FDFT1: variants seen among roughly 807,000 people sequenced by gnomAD.
FDFT1 encodes squalene synthase.
Under a neutral mutation model 46.8 loss-of-function variants are expected in FDFT1, and 68 were observed. That is an observed-to-expected ratio of 1.45 (90% CI 1.19 to 1.78). The LOEUF (loss-of-function observed/expected upper bound fraction) is 1.78, where lower values mean the gene tolerates loss of function less well. Among genes scored for constraint, FDFT1 ranks in the 40% most tolerant of loss-of-function variants. The pLI is 0.00. For missense variants in FDFT1, 928 were observed against 524.4 expected (o/e 1.77, Z -7.52); for synonymous variants, 351 against 185.1 (o/e 1.90, Z -7.28).
intron 1 of FDFT1, chr8:11,803,250 T>G: frequency 1.5e-6 from 2 of 1,369,742 alleles, no homozygotes; most frequent in East Asian, 3.9e-5. Flanking sequence ...GGGTTACACA[T>G]CTGAGGCAAT....
In FDFT1 at chr8:11,808,871, G is replaced by T; in HGVS notation, c.177G>T (p.Gln59His). The T allele has an allele frequency of 6.2e-7, 1 of 1,614,006 alleles. No individual in the cohort carries two copies. The highest frequency in any genetic ancestry group is 8.5e-7 in the Non-Finnish European group (1 of 1,179,978). Residue 59 changes from glutamine to histidine, a missense_variant, in exon 2 of 8, where the codon CAG (glutamine) becomes CAT (histidine). Coordinates refer to ENST00000220584, the MANE Select transcript of FDFT1 (RefSeq NM_004462.5). ...GTCGCAGTTTCGCAGCTGTTATCCA[G>T]GCGCTGGATGGGGAAATGCGGTGAG... Reference protein sequence around the residue: ...QTSRSFAAVIQALDGEMRNAV... With the variant: ...QTSRSFAAVIHALDGEMRNAV...
intron 5 of FDFT1, among the ~76,000 whole-genome samples, chr8:11,829,630 A>G (rs539304754): frequency 6.6e-6 from 1 of 152,238 alleles, no homozygotes; most frequent in African/African-American, 2.4e-5. Context: ...CTCTAACAGG[A>G]GCCTCTTTAG....
chr8:11,825,278 G>C (rs867081829), intron 4 of FDFT1, among the ~76,000 whole-genome samples: 3 of 152,072 alleles, frequency 2.0e-5, no homozygotes, highest in South Asian at 4.1e-4. Context: ...ACGGTGTCTT[G>C]GGCTGGTAAT....
chr8:11,826,280 C>T (rs912170889), intron 5 of FDFT1, 65 bp downstream of exon 5: 1 of 1,294,284 alleles, frequency 7.7e-7, no homozygotes, highest in Non-Finnish European at 1.1e-6. Flanking sequence ...TCCTTTAACT[C>T]TTGTGGTTGC....
chr8:11,827,143 T>C (rs1810107309), intron 5 of FDFT1, among the ~76,000 whole-genome samples: 1 of 152,176 alleles, frequency 6.6e-6, no homozygotes, highest in African/African-American at 2.4e-5. Flanking sequence ...TTGCTTTCCA[T>C]AAAAGTGTTT....
exon 1 of FDFT1, chr8:11,795,863 C>T (rs541487363): frequency 3.3e-5 from 5 of 152,852 alleles, no homozygotes; most frequent in African/African-American, 4.8e-5. Context: ...AAACTCCGAA[C>T]ACATCTGAAC....
At position 11,838,441 on chromosome 8, in the gene FDFT1, C is replaced by G. The variant is rs766342498; in HGVS notation, c.1086C>G (p.Ile362Met). The part of the protein sequence containing the change: ...SDPSSSKTRQ[I>M]ISTIRTQNLP... ...CATCTTCTAGCAAAACAAGGCAGAT[C>G]ATCTCCACCATCCGGACGCAGAATC... The change falls in exon 8 of 8, where the codon ATC (isoleucine) becomes ATG (methionine). Residue 362 changes from isoleucine to methionine, a missense_variant. Ile to Met is a conservative substitution (Grantham distance 10). Coordinates refer to ENST00000220584, the MANE Select transcript of FDFT1 (RefSeq NM_004462.5). The G allele has an allele frequency of 1.9e-6, 3 of 1,610,748 alleles. No homozygotes were observed. Among genetic ancestry groups the G allele is most frequent in the East Asian group, 2.2e-5 (1 of 44,822 alleles).
chr8:11,815,917 G>A (rs563594206), intron 3 of FDFT1, among the ~76,000 whole-genome samples: 76 of 152,248 alleles, frequency 5.0e-4, no homozygotes, highest in Non-Finnish European at 9.3e-4. Flanking sequence ...ATTGCTTTTG[G>A]TGTTTTAGTC....
upstream of FDFT1, chr8:11,801,895 T>C (rs531902554): frequency 1.3e-5 from 6 of 449,206 alleles, no homozygotes; most frequent in Non-Finnish European, 2.7e-5. Flanking sequence ...TTCACCATGT[T>C]GGCCAGGATG....
upstream of FDFT1, among the ~76,000 whole-genome samples, chr8:11,799,843 G>C (rs1246396034): frequency 6.6e-6 from 1 of 151,840 alleles, no homozygotes; most frequent in Non-Finnish European, 1.5e-5. Flanking sequence ...CTACTCGGGA[G>C]GCTAAGGCAG....
chr8:11,808,982 G>C (rs1807318099), intron 2 of FDFT1, 91 bp downstream of exon 2: 1 of 1,529,304 alleles, frequency 6.5e-7, no homozygotes, highest in Middle Eastern at 1.8e-4. Context: ...ATAGCGCTCA[G>C]CGTTGCAGCC....
chr8:11,838,664 T>G lies in FDFT1; in HGVS notation c.*55T>G. On this transcript the variant is annotated 3_prime_UTR_variant, in exon 8 of 8. Transcript: ENST00000220584. ...CATAAAGTGGATTTACTTTTTTTCT[T>G]TAAGGATGGATGTTGTGTTCTCTTT... The G allele has an allele frequency of 7.6e-7, 1 of 1,322,646 alleles. No homozygotes were observed. The highest frequency in any genetic ancestry group is 1.1e-6 in the Non-Finnish European group (1 of 915,322). The allele number at this position is 1,322,646 out of a possible 1,614,324, so 81.9% of individuals were successfully genotyped here.
intron 3 of FDFT1, 67 bp from the exon 4 acceptor site, chr8:11,821,683 T>C: frequency 4.5e-6 from 7 of 1,564,270 alleles, no homozygotes; most frequent in Non-Finnish European, 5.3e-6. Flanking sequence ...ATTGTTTGCC[T>C]TGTGATCTTT....
chr8:11,812,773 A>G (rs1050068687), intron 3 of FDFT1, among the ~76,000 whole-genome samples: 1 of 152,210 alleles, frequency 6.6e-6, no homozygotes. Flanking sequence ...TTCCGCCTCG[A>G]TGTACAGTAG....
chr8:11,822,788 C>T (rs753568193), intron 4 of FDFT1, among the ~76,000 whole-genome samples: 26 of 152,174 alleles, frequency 1.7e-4, no homozygotes, highest in Non-Finnish European at 3.1e-4. Context: ...TGCACTCCAA[C>T]GTGGGTGACA....
intron 5 of FDFT1, 27 bp from the exon 6 acceptor site, chr8:11,830,217 T>C: frequency 6.3e-7 from 1 of 1,585,648 alleles, no homozygotes; most frequent in Non-Finnish European, 8.7e-7. Flanking sequence ...CACGCTGACC[T>C]GTTCCTTAAT....
upstream of FDFT1, chr8:11,801,824 G>C (rs1182169881): frequency 5.2e-6 from 2 of 383,676 alleles, no homozygotes; most frequent in Non-Finnish European, 1.0e-5. Context: ...CTCCGGAGTA[G>C]TTGGGACTAC....
At chr8:11,838,078 C>G (rs1811786116) in intron 7 of FDFT1, among the ~76,000 whole-genome samples, 1 of 152,210 alleles carries the variant, frequency 6.6e-6, no homozygotes, top group Non-Finnish European at 1.5e-5. Flanking sequence ...TTTATTGGGC[C>G]TGGCACTGTG....
upstream of FDFT1, chr8:11,802,408 C>A: frequency 2.2e-6 from 1 of 457,552 alleles, no homozygotes; most frequent in Non-Finnish European, 4.4e-6. Context: ...CATCCTAAGC[C>A]CCACCGCCTC....
Sources: allele counts gnomAD v4.1 joint callset (sites outside exome capture counted in the v4.1 genomes callset), GRCh38; gene constraint gnomAD v4.1.1; transcripts MANE v1.5; gene names NCBI Gene and HGNC (gene_info 2026-07-23, HGNC 2026-07-21).